EVI5: variants seen among roughly 807,000 people sequenced by gnomAD.
The protein encoded by EVI5 is ecotropic viral integration site 5, also known as ecotropic viral integration site 5 protein homolog.
Under a neutral mutation model 112.0 loss-of-function variants are expected in EVI5, and 73 were observed. That is an observed-to-expected ratio of 0.65 (90% confidence interval 0.54 to 0.79). EVI5 has a LOEUF of 0.79. Ranked by LOEUF, EVI5 falls within the 30% of genes least tolerant of loss-of-function variation. EVI5 has a pLI of 0.00. For synonymous variants in EVI5, 305 were observed against 319.9 expected, an observed-to-expected ratio of 0.95 and a Z score of 0.50; for missense variants, 900 against 968.8, an observed-to-expected ratio of 0.93 and a Z score of 0.94.
At chr1:92,711,062 G>A (rs1672774432) in intron 2 of EVI5, among the ~76,000 whole-genome samples, 1 of 152,092 alleles carries the variant, frequency 6.6e-6, no homozygotes, top group South Asian at 2.1e-4. Flanking sequence ...TAAGAAAAAA[G>A]AATAGCTTGT....
chr1:92,702,789 A>G (rs1248409878), intron 4 of EVI5, among the ~76,000 whole-genome samples: 1 of 146,128 alleles, frequency 6.8e-6, no homozygotes, highest in Non-Finnish European at 1.5e-5. Context: ...CTGGGCAAAA[A>G]GAGTGCAACT....
intron 5 of EVI5, among the ~76,000 whole-genome samples, chr1:92,698,795 A>G (rs1343442904): frequency 2.0e-5 from 3 of 152,148 alleles, no homozygotes; most frequent in African/African-American, 7.2e-5. Context: ...GGACATATAA[A>G]TTAAGTTTTC....
At chr1:92,685,148 G>C (rs535665167) in intron 9 of EVI5, among the ~76,000 whole-genome samples, 1 of 151,910 alleles carries the variant, frequency 6.6e-6, no homozygotes, top group East Asian at 1.9e-4. Flanking sequence ...TGACCACATA[G>C]TTGGAAGTAA....
chr1:92,537,827 A>G (rs182339919), intron 19 of EVI5, among the ~76,000 whole-genome samples: 512 of 151,978 alleles, frequency 3.4e-3, no homozygotes, highest in Admixed American at 5.4e-3. Context: ...TTATTGAAAT[A>G]ATACTAGGTA....
intron 11 of EVI5, among the ~76,000 whole-genome samples, chr1:92,665,082 A>G (rs1664659652): frequency 6.6e-6 from 1 of 152,120 alleles, no homozygotes; most frequent in Non-Finnish European, 1.5e-5. Flanking sequence ...GCGCACGCCT[A>G]TAATCCCAGC....
intron 16 of EVI5, among the ~76,000 whole-genome samples, chr1:92,614,940 C>A (rs1400919016): frequency 6.7e-6 from 1 of 149,402 alleles, no homozygotes; most frequent in Non-Finnish European, 1.5e-5. Flanking sequence ...AGAACCCTGA[C>A]TAATATAGAT....
At chr1:92,561,891 G>A (rs1668691158) in intron 19 of EVI5, among the ~76,000 whole-genome samples, 1 of 152,110 alleles carries the variant, frequency 6.6e-6, no homozygotes, top group African/African-American at 2.4e-5. Context: ...GCCTGCTTCA[G>A]CCTCCCAAAG....
chr1:92,586,606 C>CTGTGTGTGTGTG (rs61310991), intron 18 of EVI5, among the ~76,000 whole-genome samples: 19 of 72,780 alleles, frequency 2.6e-4, no homozygotes, highest in African/African-American at 7.8e-4. Context: ...TTTTTTTTGG[C>CTGTGTGTGTGTG]TGTGTGTGTG....
At chr1:92,530,635 C>T (rs12083424) in intron 19 of EVI5, among the ~76,000 whole-genome samples, 3,707 of 151,964 alleles carry the variant, frequency 0.024, 169 homozygotes, top group African/African-American at 0.085. Flanking sequence ...ACTGGTGATA[C>T]CCAGGCAAAC....
intron 1 of EVI5, among the ~76,000 whole-genome samples, chr1:92,748,111 C>T (rs1056994894): frequency 1.3e-5 from 2 of 152,180 alleles, no homozygotes; most frequent in African/African-American, 4.8e-5. Flanking sequence ...TTTCCTATCT[C>T]ACATCTTCCC....
At position 92,662,871 on chromosome 1, in the gene EVI5, G is replaced by A; in HGVS notation, c.1246-6C>T. On this transcript the variant is annotated splice_polypyrimidine_tract_variant and splice_region_variant and intron_variant, in intron 12 of 19. Coordinates refer to ENST00000684568, the MANE Select transcript of EVI5 (RefSeq NM_001350197.2). ...TGGGCTCTTGTCACTTGTCCCTTAG[G>A]ACATAATTTTTGTGTGTGTAAAGCA... 1 of 1,275,796 alleles carries A rather than the reference G, an allele frequency of 7.8e-7. No homozygotes were observed. The highest frequency in any genetic ancestry group is 1.0e-6 in the Non-Finnish European group (1 of 984,386). The allele number at this position is 1,275,796 out of a possible 1,614,324, so 79.0% of individuals were successfully genotyped here.
At chr1:92,576,366 T>C (rs780222395) in intron 18 of EVI5, among the ~76,000 whole-genome samples, 6 of 152,188 alleles carry the variant, frequency 3.9e-5, no homozygotes, top group Non-Finnish European at 8.8e-5. Context: ...TTGGTAGTTA[T>C]AATTTTTAAA....
At chr1:92,728,440 T>C (rs574204876) in intron 2 of EVI5, among the ~76,000 whole-genome samples, 4 of 151,198 alleles carry the variant, frequency 2.6e-5, no homozygotes, top group African/African-American at 7.3e-5. Context: ...GAGTGCAGAG[T>C]ACAGAGGCGC....
At chr1:92,709,215 T>G (rs943159122) in intron 2 of EVI5, among the ~76,000 whole-genome samples, 1 of 152,200 alleles carries the variant, frequency 6.6e-6, no homozygotes, top group Non-Finnish European at 1.5e-5. Flanking sequence ...TCTGAGATGA[T>G]GGACATTTTC....
chr1:92,593,549 A>T (rs577769456), intron 18 of EVI5, among the ~76,000 whole-genome samples: 6 of 152,316 alleles, frequency 3.9e-5, no homozygotes, highest in Non-Finnish European at 8.8e-5. Flanking sequence ...TATTCAACAT[A>T]GTGTTGGAAA....
chr1:92,513,353 TATAG>T lies in EVI5; in HGVS notation c.*299_*302del, dbSNP rs1237565459. 6.5e-6 allele frequency: 1 copy of T among 153,868 alleles called. No homozygotes were observed. Among genetic ancestry groups the T allele is most frequent in the Non-Finnish European group, 1.4e-5 (1 of 69,232 alleles). 9.5% of individuals were successfully genotyped at this position (153,868 alleles called of 1,614,324 possible). ...TTTGAACTTCAGAATGGTTCCCACATATAGATATAGTTGCATTTTCTAAACAAGA... is the reference window on the plus strand; with the variant it reads ...TTTGAACTTCAGAATGGTTCCCACATATATAGTTGCATTTTCTAAACAAGA... On this transcript the variant is annotated 3_prime_UTR_variant, in exon 20 of 20. Transcript: ENST00000684568.
intron 16 of EVI5, among the ~76,000 whole-genome samples, chr1:92,619,152 T>C (rs980817027): frequency 2.6e-5 from 4 of 152,154 alleles, no homozygotes; most frequent in African/African-American, 7.2e-5. Context: ...TGTGAGGGTG[T>C]TGCCAAAAGA....
intron 2 of EVI5, among the ~76,000 whole-genome samples, chr1:92,729,381 G>A (rs768719652): frequency 6.6e-6 from 1 of 152,140 alleles, no homozygotes; most frequent in African/African-American, 2.4e-5. Flanking sequence ...CACACATAAG[G>A]GGGGACTACT....
At chr1:92,527,549 T>G (rs1022067585) in intron 19 of EVI5, among the ~76,000 whole-genome samples, 1 of 152,160 alleles carries the variant, frequency 6.6e-6, no homozygotes, top group African/African-American at 2.4e-5. Context: ...AAAATTTTAC[T>G]TACATACATA....
Sources: gnomAD v4.1 joint callset for allele counts (sites outside exome capture counted in the v4.1 genomes callset) on GRCh38, gnomAD v4.1.1 for gene constraint, MANE v1.5 for transcripts, NCBI Gene and HGNC (gene_info 2026-07-23, HGNC 2026-07-21) for gene names.